CYSTM1: variants seen among roughly 807,000 people sequenced by gnomAD.
CYSTM1 encodes the protein cysteine-rich transmembrane module-containing protein 1.
Under a neutral mutation model 13.1 loss-of-function variants are expected in CYSTM1, and 4 were observed. The ratio of observed to expected loss-of-function variants is 0.31; its 90% CI spans 0.15 to 0.70. The LOEUF (loss-of-function observed/expected upper bound fraction) is 0.70. CYSTM1 is among the 30% of genes least tolerant of loss of function. CYSTM1 has a pLI of 0.72. For synonymous variants in CYSTM1, 36 were observed against 42.7 expected, an observed-to-expected ratio of 0.84 and a Z score of 0.62; for missense variants, 96 against 121.6, an observed-to-expected ratio of 0.79 and a Z score of 0.99.
intron 1 of CYSTM1, among the ~76,000 whole-genome samples, chr5:140,181,428 T>G (rs1358098592): frequency 6.6e-6 from 1 of 152,186 alleles, no homozygotes; most frequent in Admixed American, 6.5e-5. Flanking sequence ...GAACTAATTT[T>G]TGGTGGCCTT....
rs1176410276 is a variant in CYSTM1 at position 140,226,605 on chromosome 5, TATATATAA to T, written c.188-16698_188-16691del. Among the ~76,000 whole-genome samples the T allele has an allele frequency of 5.5e-4, 59 of 107,144 alleles. 5 individuals are homozygous for T. Among genetic ancestry groups the T allele is most frequent in the East Asian group, 1.6e-3 (7 of 4,436 alleles). 70.3% of individuals were successfully genotyped at this position (107,144 alleles called of 152,430 possible). A position where few individuals can be genotyped will look rare whatever the true frequency, so the allele number is the denominator to read the frequency against. The stretch of plus-strand genomic sequence containing the variant: ...TAAATATTATATATATATATATATA[TATATATAA>T]AAATTAGCCAGATGTGATGGCGCAT... On this transcript the variant is annotated intron_variant, in intron 2 of 2. Transcript: ENST00000261811.
intron 2 of CYSTM1, among the ~76,000 whole-genome samples, chr5:140,222,138 C>T (rs1764499375): frequency 6.6e-6 from 1 of 152,218 alleles, no homozygotes; most frequent in Non-Finnish European, 1.5e-5. Flanking sequence ...GCTCTTAGGA[C>T]TTGAAACCAT....
At chr5:140,184,355 T>C (rs1172093802) in intron 1 of CYSTM1, among the ~76,000 whole-genome samples, 1 of 151,154 alleles carries the variant, frequency 6.6e-6, no homozygotes, top group Non-Finnish European at 1.5e-5. Flanking sequence ...ATGAACATTA[T>C]ATTTAATATA....
At chr5:140,178,201 T>G (rs1419622706) in intron 1 of CYSTM1, among the ~76,000 whole-genome samples, 2 of 152,132 alleles carry the variant, frequency 1.3e-5, no homozygotes, top group Non-Finnish European at 2.9e-5. Flanking sequence ...ATTTGTCAAC[T>G]AAGGCCTTGA....
intron 2 of CYSTM1, among the ~76,000 whole-genome samples, chr5:140,238,578 G>T (rs919749): frequency 3.3e-5 from 5 of 152,058 alleles, no homozygotes; most frequent in South Asian, 2.1e-4. Flanking sequence ...GCCCCTTTGC[G>T]CTGGGTAGTA....
chr5:140,227,801 C>T (rs1292623831), intron 2 of CYSTM1, among the ~76,000 whole-genome samples: 1 of 152,156 alleles, frequency 6.6e-6, no homozygotes, highest in East Asian at 1.9e-4. Context: ...CCCCCAGGAG[C>T]AGCTTTGAGT....
chr5:140,226,061 G>A (rs1764545963), intron 2 of CYSTM1, among the ~76,000 whole-genome samples: 1 of 152,184 alleles, frequency 6.6e-6, no homozygotes, highest in Admixed American at 6.5e-5. Flanking sequence ...CAGGGGAGGG[G>A]TCTGCCTGAA....
At chr5:140,190,422 C>T (rs958428664) in intron 1 of CYSTM1, among the ~76,000 whole-genome samples, 1 of 152,092 alleles carries the variant, frequency 6.6e-6, no homozygotes, top group Non-Finnish European at 1.5e-5. Context: ...GTTCAGTGTG[C>T]ATAGGCTTTA....
intron 1 of CYSTM1, among the ~76,000 whole-genome samples, chr5:140,176,441 G>A (rs1293382840): frequency 6.6e-6 from 1 of 152,212 alleles, no homozygotes; most frequent in Non-Finnish European, 1.5e-5. Context: ...GAGTAACCAT[G>A]TTAGCAGATT....
chr5:140,177,378 G>A (rs1475543228), intron 1 of CYSTM1, among the ~76,000 whole-genome samples: 2 of 152,034 alleles, frequency 1.3e-5, no homozygotes, highest in African/African-American at 4.8e-5. Flanking sequence ...TGCAACCTTT[G>A]CCTCCTGGGT....
rs577709524 is a variant in CYSTM1 at position 140,178,441 on chromosome 5, C to CTT, written c.-21+3180_-21+3181dup. Among the ~76,000 whole-genome samples the CTT allele has an allele frequency of 4.7e-3, 250 of 52,658 alleles. 7 individuals are homozygous for CTT. Among genetic ancestry groups the CTT allele is most frequent in the African/African-American group, 0.011 (133 of 11,820 alleles). 34.5% of individuals were successfully genotyped at this position (52,658 alleles called of 152,430 possible). On this transcript the variant is annotated intron_variant, in intron 1 of 2. Coordinates refer to ENST00000261811, the MANE Select transcript of CYSTM1 (RefSeq NM_032412.4). The stretch of plus-strand genomic sequence containing the variant: ...TGGAAAAGCCCTATTCAAGTCCTTC[C>CTT]TTTTTTTTTTTTTTTTTTTTTTTTT...
chr5:140,238,704 C>T (rs1418757337), intron 2 of CYSTM1, among the ~76,000 whole-genome samples: 1 of 152,208 alleles, frequency 6.6e-6, no homozygotes. Context: ...GACGTTTTTA[C>T]TTATTGGGAA....
At chr5:140,181,343 C>T (rs1008478311) in intron 1 of CYSTM1, among the ~76,000 whole-genome samples, 2 of 152,170 alleles carry the variant, frequency 1.3e-5, no homozygotes, top group African/African-American at 4.8e-5. Flanking sequence ...CTTTCCTCCC[C>T]AACACCACCC....
intron 2 of CYSTM1, among the ~76,000 whole-genome samples, chr5:140,217,363 G>T (rs1019309205): frequency 3.3e-5 from 5 of 152,268 alleles, no homozygotes; most frequent in African/African-American, 1.2e-4. Context: ...CAGGCAGCTA[G>T]TGGGTAACCA....
intron 2 of CYSTM1, among the ~76,000 whole-genome samples, chr5:140,216,902 AC>A (rs1435870288): frequency 6.6e-6 from 1 of 151,898 alleles, no homozygotes; most frequent in African/African-American, 2.4e-5. Context: ...ACACACACAC[AC>A]AAAGAGCATA....
intron 2 of CYSTM1, among the ~76,000 whole-genome samples, chr5:140,204,624 T>C (rs1764274543): frequency 6.6e-6 from 1 of 152,106 alleles, no homozygotes; most frequent in Non-Finnish European, 1.5e-5. Flanking sequence ...GCAATAAAGC[T>C]GGATTCAAAT....
chr5:140,198,886 C>A (rs1464540185), intron 2 of CYSTM1, among the ~76,000 whole-genome samples: 4 of 152,280 alleles, frequency 2.6e-5, no homozygotes, highest in African/African-American at 2.4e-5. Context: ...CATAGGTATG[C>A]ATGTGCCATG....
chr5:140,229,670 G>T (rs1764598040), intron 2 of CYSTM1, among the ~76,000 whole-genome samples: 1 of 148,906 alleles, frequency 6.7e-6, no homozygotes. Flanking sequence ...TAGTCCACCT[G>T]ATTTATTTAT....
intron 2 of CYSTM1, among the ~76,000 whole-genome samples, chr5:140,223,688 C>G (rs1000199707): frequency 3.3e-5 from 5 of 152,072 alleles, no homozygotes; most frequent in African/African-American, 1.2e-4. Context: ...GCTCTTCACA[C>G]AGTAACCCAG....
Sources: allele counts gnomAD v4.1 joint callset (sites outside exome capture counted in the v4.1 genomes callset), GRCh38; gene constraint gnomAD v4.1.1; transcripts MANE v1.5; gene names NCBI Gene and HGNC (gene_info 2026-07-23, HGNC 2026-07-21).